Variants in LMOD1 observed in about 807,000 individuals in gnomAD.
The protein encoded by LMOD1 is leiomodin 1, also known as leiomodin-1.
LMOD1 carries 8 observed loss-of-function variants against 36.5 expected under a neutral mutation model. The observed-to-expected ratio is 0.22, with a 90% CI of 0.13 to 0.40. The LOEUF (loss-of-function observed/expected upper bound fraction) is 0.40. Among genes scored for constraint, LMOD1 ranks in the 10% least tolerant of loss-of-function variants. The pLI is 1.00. For missense variants in LMOD1, 630 were observed against 751.1 expected (o/e 0.84, Z 1.88); for synonymous variants, 284 against 288.7 (o/e 0.98, Z 0.17).
intron 1 of LMOD1, among the ~76,000 whole-genome samples, chr1:201,921,380 C>T (rs868721448): frequency 2.7e-5 from 4 of 148,718 alleles, no homozygotes; most frequent in African/African-American, 5.0e-5. Flanking sequence ...CCCAGCTACT[C>T]GTGAGGCTGA....
chr1:201,933,594 AT>A (rs372299066), intron 1 of LMOD1, among the ~76,000 whole-genome samples: 73,930 of 112,748 alleles, frequency 0.66, 22,579 homozygotes, highest in Non-Finnish European at 0.69. Flanking sequence ...ATATACATAC[AT>A]TATATATATA....
intron 1 of LMOD1, among the ~76,000 whole-genome samples, chr1:201,908,477 C>T (rs115432626): frequency 6.6e-6 from 1 of 152,174 alleles, no homozygotes; most frequent in African/African-American, 2.4e-5. Context: ...TGTTCAAGGG[C>T]TTATACACAA....
chr1:201,924,682 A>AAAG (rs1491229361), intron 1 of LMOD1, among the ~76,000 whole-genome samples: 15 of 36,978 alleles, frequency 4.1e-4, no homozygotes, highest in African/African-American at 7.9e-4. Context: ...AGAAAGAAAG[A>AAAG]AAGAAAGAAA....
intron 1 of LMOD1, among the ~76,000 whole-genome samples, chr1:201,941,422 AC>A (rs1682112619): frequency 6.6e-6 from 1 of 152,074 alleles, no homozygotes; most frequent in South Asian, 2.1e-4. Context: ...TAACAGTCTA[AC>A]CCTCTCCGGT....
intron 1 of LMOD1, among the ~76,000 whole-genome samples, chr1:201,906,331 G>A (rs575993241): frequency 8.3e-4 from 127 of 152,162 alleles, no homozygotes; most frequent in African/African-American, 2.7e-3. Context: ...CTGTCCATCC[G>A]CATCCTGCAT....
chr1:201,931,444 A>G (rs12069451), intron 1 of LMOD1, among the ~76,000 whole-genome samples: 34,254 of 150,776 alleles, frequency 0.23, 4,181 homozygotes, highest in East Asian at 0.43. Context: ...CTGAGGCATG[A>G]GAATCGCTTG....
chr1:201,914,307 G>A (rs551211825), intron 1 of LMOD1, among the ~76,000 whole-genome samples: 20 of 152,264 alleles, frequency 1.3e-4, no homozygotes, highest in East Asian at 3.9e-4. Flanking sequence ...CACAAGTGGC[G>A]CCAATGCTGA....
At chr1:201,902,705 A>C (rs4025034) in intron 1 of LMOD1, among the ~76,000 whole-genome samples, 40,185 of 151,784 alleles carry the variant, frequency 0.26, 5,655 homozygotes, top group East Asian at 0.36. Flanking sequence ...TCGGCCTCCC[A>C]AAGTGCTGGG....
At chr1:201,919,403 C>T (rs1558238664) in intron 1 of LMOD1, among the ~76,000 whole-genome samples, 1 of 151,580 alleles carries the variant, frequency 6.6e-6, no homozygotes. Flanking sequence ...GGGGTTTCAC[C>T]ATGTTGGCCA....
At chr1:201,927,502 G>A (rs972547459) in intron 1 of LMOD1, among the ~76,000 whole-genome samples, 2 of 151,590 alleles carry the variant, frequency 1.3e-5, no homozygotes, top group African/African-American at 4.9e-5. Context: ...GAAGGCAGAG[G>A]TTGCAGTGAG....
Position 201,899,582 on chromosome 1 carries a change from C to T in LMOD1, c.1431G>A (p.Lys477=), listed in dbSNP as rs1298617628. The change falls in exon 2 of 3, where the codon AAG becomes AAA. Residue 477 remains lysine (K), a synonymous_variant. Transcript: ENST00000367288. The surrounding 1 kb of genome is among the most constrained non-coding windows in gnomAD (Gnocchi z 6.3). ...LSRNMDKQRQ[K]RLQEQRQAQE... ...GTGCCTGCCTTTGCTCCTGCAGCCG[C>T]TTTTGTCTCTGCTTGTCCATGTTGC... 6.2e-7 allele frequency: 1 copy of T among 1,613,086 alleles called. No individual in the cohort carries two copies. Among genetic ancestry groups the T allele is most frequent in the South Asian group, 1.1e-5 (1 of 90,864 alleles).
At chr1:201,939,313 T>G (rs754182567) in intron 1 of LMOD1, among the ~76,000 whole-genome samples, 1 of 152,140 alleles carries the variant, frequency 6.6e-6, no homozygotes, top group Non-Finnish European at 1.5e-5. Context: ...GATTTTATCA[T>G]CCCCACTTGA....
intron 1 of LMOD1, among the ~76,000 whole-genome samples, chr1:201,924,857 T>C (rs975527530): frequency 2.6e-5 from 4 of 151,682 alleles, no homozygotes; most frequent in African/African-American, 9.7e-5. Flanking sequence ...TGCACTCTAG[T>C]GTGTGTGACA....
rs1355130341 is a variant in LMOD1, at chr1:201,900,735, T to C, written c.278A>G (p.Glu93Gly). The C allele has an allele frequency of 1.9e-6, 3 of 1,579,188 alleles. No individual in the cohort carries two copies. In the Admixed American group the frequency reaches 6.0e-5, roughly 31 times the overall value. Residue 93 changes from glutamate (E) to glycine (G), a missense_variant, in exon 2 of 3, where the codon GAG becomes GGG. Physicochemically the swap from Glu to Gly is moderately conservative, Grantham distance 98. Transcript: ENST00000367288. ...EMSMDESKQVETKTDAKNGEE... is the reference protein window; with the variant it reads ...EMSMDESKQVGTKTDAKNGEE... ...TCCATTCTTGGCATCTGTCTTGGTCTCCACTTGCTTGCTTTCCTAAGAATT... is the reference window on the plus strand; with the variant it reads ...TCCATTCTTGGCATCTGTCTTGGTCCCCACTTGCTTGCTTTCCTAAGAATT...
At position 201,900,676 on chromosome 1, in the gene LMOD1, G is replaced by C; in HGVS notation, c.337C>G (p.Leu113Val). Residue 113 changes from leucine to valine, a missense_variant, in exon 2 of 3, where the codon CTG becomes GTG. Transcript: ENST00000367288. ...AGATCTGAGTCCCGTCTGGGGCCCA[G>C]GGCTTTTTTGCTGGCATCTCTGCCC... The part of the protein sequence containing the change: ...ERGRDASKKA[L>V]GPRRDSDLGK... 1 of 1,613,782 alleles carries C rather than the reference G, an allele frequency of 6.2e-7. No individual in the cohort carries two copies. The highest frequency in any genetic ancestry group is 8.5e-7 in the Non-Finnish European group (1 of 1,179,862).
intron 1 of LMOD1, among the ~76,000 whole-genome samples, chr1:201,922,718 T>G (rs1681726380): frequency 6.7e-6 from 1 of 149,886 alleles, no homozygotes; most frequent in African/African-American, 2.4e-5. Flanking sequence ...GAATATAATA[T>G]TGTTATATAT....
At chr1:201,912,203 C>T (rs565076483) in intron 1 of LMOD1, among the ~76,000 whole-genome samples, 1 of 152,294 alleles carries the variant, frequency 6.6e-6, no homozygotes, top group South Asian at 2.1e-4. Context: ...AGAGGCTTCC[C>T]TCTGCAGCCT....
chr1:201,909,527 G>A (rs1681459136), intron 1 of LMOD1, among the ~76,000 whole-genome samples: 1 of 152,150 alleles, frequency 6.6e-6, no homozygotes, highest in Non-Finnish European at 1.5e-5. Context: ...TTACAGGTGT[G>A]AGCTGCCATA....
rs572664263 is a variant in LMOD1, at chr1:201,899,787, C to T, written c.1226G>A (p.Arg409Gln). 14 of 1,614,010 alleles carry T rather than the reference C, an allele frequency of 8.7e-6. No individual in the cohort carries two copies. Among genetic ancestry groups the T allele is most frequent in the Admixed American group, 3.3e-5 (2 of 60,024 alleles). Residue 409 changes from arginine to glutamine, a missense_variant, in exon 2 of 3, where the codon CGG becomes CAG. Coordinates refer to ENST00000367288, the MANE Select transcript of LMOD1 (RefSeq NM_012134.3). The surrounding 1 kb of genome is among the most constrained non-coding windows in gnomAD (Gnocchi z 6.3). ...ITGKGILAIFRALLQNNTLTE... is the reference protein window; with the variant it reads ...ITGKGILAIFQALLQNNTLTE... Reference sequence around the variant, plus strand: ...CAGCGTGTTGTTCTGGAGGAGGGCCCGGAAGATGGCCAGGATGCCTTTGCC... The same window carrying T: ...CAGCGTGTTGTTCTGGAGGAGGGCCTGGAAGATGGCCAGGATGCCTTTGCC...
Sources: gnomAD v4.1 joint callset for allele counts (sites outside exome capture counted in the v4.1 genomes callset) on GRCh38, gnomAD v4.1.1 for gene constraint, Gnocchi (gnomAD v3.1) non-coding constraint, MANE v1.5 for transcripts, NCBI Gene and HGNC (gene_info 2026-07-23, HGNC 2026-07-21) for gene names.